The following ZNF428 variants were observed in gnomAD, a reference collection of about 807,000 sequenced individuals.
ZNF428 encodes the protein zinc finger protein 428.
In ZNF428, 5 loss-of-function variants were observed where a neutral mutation model predicts 15.6. The observed-to-expected ratio is 0.32, with a 90% CI of 0.17 to 0.67. ZNF428 has a LOEUF of 0.67. ZNF428 is among the 30% of genes least tolerant of loss of function. ZNF428 has a pLI of 0.73. For missense variants in ZNF428, 237 were observed against 256.0 expected (o/e 0.93, Z 0.51); for synonymous variants, 97 against 102.2 (o/e 0.95, Z 0.31).
Position 43,612,634 on chromosome 19 carries a change from G to A in ZNF428, c.76+1595C>T, listed in dbSNP as rs1280698360. On this transcript the variant is annotated intron_variant, in intron 2 of 2. Coordinates refer to ENST00000300811, the MANE Select transcript of ZNF428 (RefSeq NM_182498.4). This position sits in a 1 kb window ranked among gnomAD's most constrained non-coding sequence, Gnocchi z 4.2. The stretch of plus-strand genomic sequence containing the variant: ...CACAGCAAAAAGGGAGCCGGGGAAA[G>A]AGTTACGGCCGGCCTAGAACCAGCA... The A allele has an allele frequency of 6.4e-7, 1 of 1,551,522 alleles. No homozygotes were observed. Among genetic ancestry groups the A allele is most frequent in the Admixed American group, 2.0e-5 (1 of 51,000 alleles).
In ZNF428 at chr19:43,607,416, T is replaced by TACACAC. The variant is rs35296355; in HGVS notation, c.*195_*200dup. The TACACAC allele has an allele frequency of 5.6e-6, 3 of 531,270 alleles. No homozygotes were observed. Among genetic ancestry groups the TACACAC allele is most frequent in the African/African-American group, 4.0e-5 (2 of 50,134 alleles). The allele number at this position is 531,270 out of a possible 1,614,324, so 32.9% of individuals were successfully genotyped here. On this transcript the variant is annotated 3_prime_UTR_variant, in exon 3 of 3. Transcript: ENST00000300811. The surrounding 1 kb of genome is among the most constrained non-coding windows in gnomAD (Gnocchi z 5.1). ...ACACAAACACACACACGGGCGGGAA[T>TACACAC]ACACACACACACACACACACTCTGA...
rs1276125432 is a variant in ZNF428, at chr19:43,612,714, C to T, written c.76+1515G>A. On this transcript the variant is annotated intron_variant, in intron 2 of 2. Coordinates refer to ENST00000300811, the MANE Select transcript of ZNF428 (RefSeq NM_182498.4). The surrounding 1 kb of genome is among the most constrained non-coding windows in gnomAD (Gnocchi z 4.2). The stretch of plus-strand genomic sequence containing the variant: ...AATCTGAGCAAGAAGAGTTACCGCC[C>T]ACCAGGAGGCTCAGGTATAGGGAGG... 15 of 1,551,516 alleles carry T rather than the reference C, an allele frequency of 9.7e-6. No homozygotes were observed. The highest frequency in any genetic ancestry group is 1.4e-5 in the African/African-American group (1 of 73,036).
Position 43,607,952 on chromosome 19 carries a change from G to T in ZNF428, c.232C>A (p.Pro78Thr). ...GCTGCACGGGGGGCCCGGCGGGATG[G>T]GCCACCACGGCCCCCGCCAAGGCGC... is the stretch of plus-strand genomic sequence containing the variant. ...KQRLGGGRGG[P>T]SRRAPRAAQP... Residue 78 changes from proline (P) to threonine (T), a missense_variant, in exon 3 of 3, where the codon CCA becomes ACA. Physicochemically the swap from Pro to Thr is conservative, Grantham distance 38. Coordinates refer to ENST00000300811, the MANE Select transcript of ZNF428 (RefSeq NM_182498.4). The surrounding 1 kb of genome is among the most constrained non-coding windows in gnomAD (Gnocchi z 5.1). 6.3e-7 allele frequency: 1 copy of T among 1,590,974 alleles called. No homozygotes were observed.
rs1434209807 is a variant in ZNF428 at position 43,609,045 on chromosome 19, G to T, written c.77-938C>A. On this transcript the variant is annotated intron_variant, in intron 2 of 2. Transcript: ENST00000300811. ...GAGGCATTTAGGAAGGACAAAGCCG[G>T]AGTAGTAAAAACCCACCAGTAACAA... 2.6e-5 allele frequency among the ~76,000 whole-genome samples: 4 copies of T among 152,238 alleles called. No homozygotes were observed. In the East Asian group the frequency reaches 7.7e-4, roughly 29 times the overall value.
intron 1 of ZNF428, among the ~76,000 whole-genome samples, chr19:43,616,125 G>C (rs542856192): frequency 6.6e-6 from 1 of 152,156 alleles, no homozygotes; most frequent in East Asian, 1.9e-4. Flanking sequence ...CTGTAACAAA[G>C]GCTGTAGGAG....
intron 2 of ZNF428, among the ~76,000 whole-genome samples, chr19:43,608,853 A>G (rs1600084905): frequency 6.7e-6 from 1 of 149,464 alleles, no homozygotes; most frequent in Non-Finnish European, 1.5e-5. Flanking sequence ...GCTTCAACCC[A>G]GGAGGCGGAG....
intron 1 of ZNF428, among the ~76,000 whole-genome samples, chr19:43,616,571 A>G (rs117697594): frequency 6.6e-6 from 1 of 152,196 alleles, no homozygotes; most frequent in African/African-American, 2.4e-5. Flanking sequence ...TGGAAGCCAG[A>G]CCTTTCATAA....
At position 43,607,355 on chromosome 19, in the gene ZNF428, A is replaced by G. The variant is rs1011868022; in HGVS notation, c.*262T>C. 14 of 422,834 alleles carry G rather than the reference A, an allele frequency of 3.3e-5. No individual in the cohort carries two copies. The highest frequency in any genetic ancestry group is 2.7e-4 in the African/African-American group (13 of 48,728). The allele number at this position is 422,834 out of a possible 1,614,324, so 26.2% of individuals were successfully genotyped here. A position where few individuals can be genotyped will look rare whatever the true frequency, so the allele number is the denominator to read the frequency against. Reference sequence around the variant, plus strand: ...CCAAAAGACCCCAAGGTTCCCCAAGAAGGAGCCCAGGGGGAATACACACAC... The same window carrying G: ...CCAAAAGACCCCAAGGTTCCCCAAGGAGGAGCCCAGGGGGAATACACACAC... On this transcript the variant is annotated 3_prime_UTR_variant, in exon 3 of 3. Transcript: ENST00000300811. This position sits in a 1 kb window ranked among gnomAD's most constrained non-coding sequence, Gnocchi z 5.1.
chr19:43,613,379 T>C, intron 2 of ZNF428: 1 of 1,458,532 alleles, frequency 6.9e-7, no homozygotes, highest in East Asian at 2.7e-5. Context: ...TAGAAGTCCC[T>C]ACAAGGCGAG....
In ZNF428 at chr19:43,607,372, TACACACACAC is replaced by T. The variant is rs3052821; in HGVS notation, c.*235_*244del. ...TCCCCAAGAAGGAGCCCAGGGGGAA[TACACACACAC>T]ACACACACACACAAACACACACACG... is the stretch of plus-strand genomic sequence containing the variant. On this transcript the variant is annotated 3_prime_UTR_variant, in exon 3 of 3. Coordinates refer to ENST00000300811, the MANE Select transcript of ZNF428 (RefSeq NM_182498.4). The surrounding 1 kb of genome is among the most constrained non-coding windows in gnomAD (Gnocchi z 5.1). The T allele has an allele frequency of 5.2e-5, 22 of 419,830 alleles. No individual in the cohort carries two copies. Among genetic ancestry groups the T allele is most frequent in the East Asian group, 7.7e-5 (2 of 26,050 alleles). The allele number at this position is 419,830 out of a possible 1,614,324, so 26.0% of individuals were successfully genotyped here.
rs1973348039 is a variant in ZNF428 at position 43,614,211 on chromosome 19, C to T, written c.76+18G>A. On this transcript the variant is annotated intron_variant, in intron 2 of 2. Transcript: ENST00000300811. ...GATGACAGTCAAGCCGACGCCACCA[C>T]CTCTAAGGCCACCTTACCTGGGGAA... The T allele has an allele frequency of 1.2e-6, 2 of 1,614,228 alleles. No individual in the cohort carries two copies. Among genetic ancestry groups the T allele is most frequent in the Non-Finnish European group, 1.7e-6 (2 of 1,180,038 alleles).
At chr19:43,613,669 CAA>C in intron 2 of ZNF428, 1 of 1,550,538 alleles carries the variant, frequency 6.4e-7, no homozygotes, top group Non-Finnish European at 8.7e-7. Flanking sequence ...GAAGCTCCAG[CAA>C]AGAGAGAGAT....
At chr19:43,614,844 TGC>T (rs1973355983) in intron 1 of ZNF428, among the ~76,000 whole-genome samples, 1 of 152,170 alleles carries the variant, frequency 6.6e-6, no homozygotes, top group Non-Finnish European at 1.5e-5. Flanking sequence ...GTGATCCACA[TGC>T]CTCAACCTCG....
At chr19:43,619,085 G>C (rs1051611578) in intron 1 of ZNF428, among the ~76,000 whole-genome samples, 1 of 152,132 alleles carries the variant, frequency 6.6e-6, no homozygotes, top group Non-Finnish European at 1.5e-5. Flanking sequence ...GAACACAATA[G>C]GCACCCGTTC....
chr19:43,610,516 C>T (rs1230981999), intron 2 of ZNF428, among the ~76,000 whole-genome samples: 6 of 150,958 alleles, frequency 4.0e-5, no homozygotes, highest in Non-Finnish European at 8.9e-5. Flanking sequence ...TCTCCATCTT[C>T]TGACTCACTG....
Position 43,607,652 on chromosome 19 carries a change from C to T in ZNF428, c.532G>A (p.Gly178Arg), listed in dbSNP as rs201095947. Residue 178 changes from glycine (G) to arginine (R), a missense_variant, in exon 3 of 3, where the codon GGG (glycine) becomes AGG (arginine). Coordinates refer to ENST00000300811, the MANE Select transcript of ZNF428 (RefSeq NM_182498.4). This position sits in a 1 kb window ranked among gnomAD's most constrained non-coding sequence, Gnocchi z 5.1. ...CCCCGGGCATGCAGCATGAAGTGCCCGTGCAGCTCCCCCAGGTTGTCGAAG... is the reference window on the plus strand; with the variant it reads ...CCCCGGGCATGCAGCATGAAGTGCCTGTGCAGCTCCCCCAGGTTGTCGAAG... ...DSFDNLGELH[G>R]HFMLHARGEV 5.0e-6 allele frequency: 8 copies of T among 1,603,684 alleles called. No individual in the cohort carries two copies. Among genetic ancestry groups the T allele is most frequent in the East Asian group, 2.2e-5 (1 of 44,736 alleles).
intron 1 of ZNF428, among the ~76,000 whole-genome samples, chr19:43,616,400 G>T (rs1973372164): frequency 6.6e-6 from 1 of 152,168 alleles, no homozygotes; most frequent in Admixed American, 6.5e-5. Context: ...AACTTCTCTA[G>T]CCTGTTTCCT....
chr19:43,613,595 A>G, intron 2 of ZNF428: 5 of 1,551,312 alleles, frequency 3.2e-6, no homozygotes, highest in Non-Finnish European at 3.5e-6. Flanking sequence ...TGGAAGCCCC[A>G]GCAAAGAGAG....
At chr19:43,617,807 C>T (rs187838157) in intron 1 of ZNF428, among the ~76,000 whole-genome samples, 3 of 152,254 alleles carry the variant, frequency 2.0e-5, no homozygotes. Context: ...TCCCACTTCC[C>T]AAAGTGCTGG....
Sources: allele counts gnomAD v4.1 joint callset (sites outside exome capture counted in the v4.1 genomes callset), GRCh38; gene constraint gnomAD v4.1.1; non-coding constraint Gnocchi (gnomAD v3.1); transcripts MANE v1.5; gene names NCBI Gene and HGNC (gene_info 2026-07-23, HGNC 2026-07-21).